USH1C: variants seen among roughly 807,000 people sequenced by gnomAD.
USH1C encodes USH1 protein network component harmonin, also known as harmonin.
Under a neutral mutation model 119.3 loss-of-function variants are expected in USH1C, and 90 were observed. The observed-to-expected ratio is 0.75, with a 90% CI of 0.64 to 0.90. USH1C has a LOEUF of 0.90. Ranked by LOEUF, USH1C falls within the 40% of genes least tolerant of loss-of-function variation. USH1C has a pLI of 0.00. For synonymous variants in USH1C, 465 were observed against 443.3 expected (o/e 1.05, Z -0.62); for missense variants, 1,165 against 1,167.7 (o/e 1.00, Z 0.03).
intron 12 of USH1C, 152 bp downstream of exon 12, chr11:17,522,632 C>T: frequency 8.7e-7 from 1 of 1,154,344 alleles, no homozygotes; most frequent in Non-Finnish European, 1.3e-6. Flanking sequence ...GATGGATACG[C>T]TGACCTACCA....
rs78570647 is a variant in USH1C at position 17,507,336 on chromosome 11, C to T, written c.2014-1387G>A. Among the ~76,000 whole-genome samples the T allele has an allele frequency of 9.0e-3, 1,372 of 152,244 alleles. 17 individuals are homozygous for T. The highest frequency in any genetic ancestry group is 0.032 in the African/African-American group (1,318 of 41,534). Reference sequence around the variant, plus strand: ...TTTATAGTCCAGTTCTTCAGAGGCTCCTTGTGTTGGGGGGCTTTTAACCTT... The same window carrying T: ...TTTATAGTCCAGTTCTTCAGAGGCTTCTTGTGTTGGGGGGCTTTTAACCTT... On this transcript the variant is annotated intron_variant, in intron 18 of 26. Transcript: ENST00000005226.
At chr11:17,505,717 G>A in intron 19 of USH1C, 113 bp downstream of exon 19, 4 of 1,493,414 alleles carry the variant, frequency 2.7e-6, no homozygotes, top group Non-Finnish European at 2.8e-6. Flanking sequence ...GATGGCATCT[G>A]TGATCTGCAT....
At chr11:17,505,374 G>C (rs534960283) in intron 19 of USH1C, among the ~76,000 whole-genome samples, 2 of 152,378 alleles carry the variant, frequency 1.3e-5, no homozygotes, top group South Asian at 4.1e-4. Flanking sequence ...TAACAGCGTG[G>C]GCTTTGGAGT....
At position 17,531,576 on chromosome 11, in the gene USH1C, C is replaced by A; in HGVS notation, c.105-34G>T. On this transcript the variant is annotated intron_variant, in intron 2 of 26. Transcript: ENST00000005226. The surrounding 1 kb of genome is among the most constrained non-coding windows in gnomAD (Gnocchi z 4.2). ...ATGCCGGGAATGCCTGGAGCCTCAC[C>A]CCTGGCCATGACCTCAGGCACCCAG... The A allele has an allele frequency of 1.2e-6, 2 of 1,609,930 alleles. No homozygotes were observed. Among genetic ancestry groups the A allele is most frequent in the Non-Finnish European group, 1.7e-6 (2 of 1,179,768 alleles).
intron 24 of USH1C, among the ~76,000 whole-genome samples, chr11:17,497,950 G>T (rs1014795480): frequency 6.6e-6 from 1 of 152,188 alleles, no homozygotes; most frequent in African/African-American, 2.4e-5. Flanking sequence ...TGGCTTTTTG[G>T]ATCCAAGGTC....
chr11:17,529,076 TC>T (rs1850841631), intron 4 of USH1C, among the ~76,000 whole-genome samples: 1 of 152,164 alleles, frequency 6.6e-6, no homozygotes, highest in East Asian at 1.9e-4. Flanking sequence ...AAGAAGGGCA[TC>T]CGGCCAAGCC....
chr11:17,535,470 A>C (rs2237959), intron 1 of USH1C, among the ~76,000 whole-genome samples: 1 of 151,810 alleles, frequency 6.6e-6, no homozygotes, highest in Non-Finnish European at 1.5e-5. Context: ...GATCGACTAC[A>C]ATTTGTAATT....
At position 17,526,447 on chromosome 11, in the gene USH1C, A is replaced by G. The variant is rs762184152; in HGVS notation, c.580-6T>C. 3.1e-6 allele frequency: 5 copies of G among 1,613,306 alleles called. No individual in the cohort carries two copies. The East Asian group carries it at 1.1e-4, about 36-fold the overall frequency. ...CCCAGGCTGCCTCGCACGCCCTGAA[A>G]GAGAGATAGAAGCAGAATCACGGAG... On this transcript the variant is annotated splice_polypyrimidine_tract_variant and splice_region_variant and intron_variant, in intron 7 of 26. Coordinates refer to ENST00000005226, the MANE Select transcript of USH1C (RefSeq NM_153676.4).
chr11:17,501,210 G>T, intron 22 of USH1C, 60 bp from the exon 23 acceptor site: 1 of 1,362,934 alleles, frequency 7.3e-7, no homozygotes, highest in Non-Finnish European at 1.0e-6. Context: ...GGACACCTGG[G>T]CACCAAGGAG....
chr11:17,514,792 C>T (rs1483225654), intron 15 of USH1C, among the ~76,000 whole-genome samples: 3 of 111,908 alleles, frequency 2.7e-5, no homozygotes, highest in South Asian at 7.5e-4. Flanking sequence ...TACCCAGAAG[C>T]AATTCTTTTT....
chr11:17,535,398 C>A (rs947537906), intron 1 of USH1C, among the ~76,000 whole-genome samples: 1 of 151,972 alleles, frequency 6.6e-6, no homozygotes, highest in Non-Finnish European at 1.5e-5. Flanking sequence ...AGAGGTCTTC[C>A]CTGCTCACCT....
rs4757538 is a variant in USH1C, at chr11:17,522,562, G to C, written c.1019+222C>G. 0.054 allele frequency among the ~76,000 whole-genome samples: 8,191 copies of C among 152,308 alleles called. 347 individuals carry two copies. Among genetic ancestry groups the C allele is most frequent in the South Asian group, 0.23 (1,116 of 4,816 alleles). ...TGCTTATTTTCCATATTCTTGGAAT[G>C]TTGGAAGACAGGGGGCTCTGCTCAG... On this transcript the variant is annotated intron_variant, in intron 12 of 26. Coordinates refer to ENST00000005226, the MANE Select transcript of USH1C (RefSeq NM_153676.4).
chr11:17,515,051 A>G (rs1483413156), intron 15 of USH1C, among the ~76,000 whole-genome samples: 1 of 126,918 alleles, frequency 7.9e-6, no homozygotes, highest in Non-Finnish European at 1.8e-5. Context: ...CTATGTGTGC[A>G]TGTGTGTGTG....
intron 14 of USH1C, chr11:17,517,436 C>G: frequency 6.3e-7 from 1 of 1,596,144 alleles, no homozygotes; most frequent in Non-Finnish European, 8.5e-7. Flanking sequence ...CCATCCAGGT[C>G]ATCTGCGGGC....
Position 17,522,149 on chromosome 11 carries a change from G to A in USH1C, c.1019+635C>T, listed in dbSNP as rs575819409. Among the ~76,000 whole-genome samples the A allele has an allele frequency of 1.6e-3, 238 of 152,298 alleles. 1 individual carries two copies. The highest frequency in any genetic ancestry group is 5.6e-3 in the African/African-American group (231 of 41,554). ...GTCCAGCCATGAAATACTTTTAAAT[G>A]CCTAAAAGGTATTTGGATTTGGATC... On this transcript the variant is annotated intron_variant, in intron 12 of 26. Coordinates refer to ENST00000005226, the MANE Select transcript of USH1C (RefSeq NM_153676.4).
At chr11:17,507,651 C>T (rs1244487843) in intron 18 of USH1C, among the ~76,000 whole-genome samples, 1 of 152,216 alleles carries the variant, frequency 6.6e-6, no homozygotes, top group Non-Finnish European at 1.5e-5. Context: ...CTGCCATTAG[C>T]ATTCCTATTT....
intron 21 of USH1C, 79 bp from the exon 22 acceptor site, chr11:17,501,614 G>C: frequency 4.1e-6 from 6 of 1,471,920 alleles, no homozygotes; most frequent in Admixed American, 1.9e-5. Flanking sequence ...GGGGAATCCA[G>C]GCACCTATGG....
intron 15 of USH1C, among the ~76,000 whole-genome samples, chr11:17,512,839 AGGGT>A (rs1387634203): frequency 6.6e-6 from 1 of 152,108 alleles, no homozygotes; most frequent in East Asian, 1.9e-4. Context: ...ACTCACCATC[AGGGT>A]TCTAGAGGAT....
At chr11:17,517,915 A>G (rs1164485165) in intron 14 of USH1C, among the ~76,000 whole-genome samples, 1 of 152,210 alleles carries the variant, frequency 6.6e-6, no homozygotes, top group Non-Finnish European at 1.5e-5. Context: ...GGATGTCTGA[A>G]CAGTGTGGGC....
Sources: allele counts gnomAD v4.1 joint callset (sites outside exome capture counted in the v4.1 genomes callset), GRCh38; gene constraint gnomAD v4.1.1; non-coding constraint Gnocchi (gnomAD v3.1); transcripts MANE v1.5; gene names NCBI Gene and HGNC (gene_info 2026-07-23, HGNC 2026-07-21).